GPR158: variants seen among roughly 807,000 people sequenced by gnomAD.
GPR158 encodes G protein-coupled receptor 158.
GPR158 carries 30 observed loss-of-function variants against 78.2 expected under a neutral mutation model. That is an observed-to-expected ratio of 0.38 (90% CI 0.29 to 0.52). The LOEUF (loss-of-function observed/expected upper bound fraction) is 0.52. Among genes scored for constraint, GPR158 ranks in the 20% least tolerant of loss-of-function variants. GPR158 has a pLI of 0.83. For missense variants in GPR158, 1,463 were observed against 1,523.5 expected (o/e 0.96, Z 0.66); for synonymous variants, 581 against 591.1 (o/e 0.98, Z 0.25).
At chr10:25,544,411 A>C (rs1355411758) in intron 5 of GPR158, among the ~76,000 whole-genome samples, 1 of 152,134 alleles carries the variant, frequency 6.6e-6, no homozygotes, top group Non-Finnish European at 1.5e-5. Flanking sequence ...AGTTAATCCC[A>C]TTACAACTCA....
intron 5 of GPR158, among the ~76,000 whole-genome samples, chr10:25,494,673 AT>A (rs936058161): frequency 4.0e-5 from 6 of 150,884 alleles, no homozygotes; most frequent in South Asian, 2.1e-4. Context: ...CCTGGACTTT[AT>A]TTTTTTTTAA....
chr10:25,230,991 A>G (rs527560437), intron 2 of GPR158, among the ~76,000 whole-genome samples: 12 of 152,318 alleles, frequency 7.9e-5, no homozygotes, highest in East Asian at 7.7e-4. Flanking sequence ...TATACCTAGT[A>G]TACTCTAAAG....
intron 2 of GPR158, among the ~76,000 whole-genome samples, chr10:25,296,475 CT>C (rs1854515949): frequency 6.9e-6 from 1 of 144,024 alleles, no homozygotes; most frequent in Admixed American, 6.7e-5. Flanking sequence ...ATCTGTCTGT[CT>C]TTCTATCTAT....
chr10:25,523,703 C>T (rs1026415223), intron 5 of GPR158, among the ~76,000 whole-genome samples: 2 of 152,070 alleles, frequency 1.3e-5, no homozygotes, highest in Non-Finnish European at 2.9e-5. Flanking sequence ...AACAAGGAAA[C>T]AGTATAAACC....
At chr10:25,471,485 G>T (rs1835501357) in intron 5 of GPR158, among the ~76,000 whole-genome samples, 1 of 152,150 alleles carries the variant, frequency 6.6e-6, no homozygotes, top group African/African-American at 2.4e-5. Flanking sequence ...AGTAATATGG[G>T]ATTGCTGGGT....
chr10:25,421,979 T>G (rs1331113193), intron 4 of GPR158, among the ~76,000 whole-genome samples: 1 of 152,224 alleles, frequency 6.6e-6, no homozygotes, highest in African/African-American at 2.4e-5. Flanking sequence ...CCTTTCTAAC[T>G]GTAATTTCTT....
chr10:25,252,889 A>T (rs1290613749), intron 2 of GPR158, among the ~76,000 whole-genome samples: 2 of 152,170 alleles, frequency 1.3e-5, no homozygotes, highest in African/African-American at 4.8e-5. Flanking sequence ...AAGCCTGGGC[A>T]ATGGCGGGCG....
chr10:25,284,666 A>AT (rs1448337389), intron 2 of GPR158, among the ~76,000 whole-genome samples: 1 of 151,760 alleles, frequency 6.6e-6, no homozygotes, highest in East Asian at 1.9e-4. Context: ...CTTGCTATGC[A>AT]TTTTTTATTC....
chr10:25,487,317 A>C (rs1236130464), intron 5 of GPR158, among the ~76,000 whole-genome samples: 2 of 152,160 alleles, frequency 1.3e-5, no homozygotes, highest in African/African-American at 4.8e-5. Context: ...CTTTGGAGAA[A>C]TTTGCACTTC....
At chr10:25,253,022 C>G (rs750172277) in intron 2 of GPR158, among the ~76,000 whole-genome samples, 3 of 152,096 alleles carry the variant, frequency 2.0e-5, no homozygotes, top group Non-Finnish European at 4.4e-5. Flanking sequence ...CGTGGTGTGC[C>G]GTTTCTTAAG....
intron 2 of GPR158, among the ~76,000 whole-genome samples, chr10:25,322,890 A>C (rs554622156): frequency 2.2e-4 from 33 of 152,190 alleles, no homozygotes; most frequent in African/African-American, 7.5e-4. Flanking sequence ...TCTGTCACCC[A>C]GGCTAGAGTG....
intron 2 of GPR158, among the ~76,000 whole-genome samples, chr10:25,286,626 C>G (rs1236524452): frequency 1.3e-5 from 2 of 151,698 alleles, no homozygotes; most frequent in South Asian, 2.1e-4. Context: ...TTTTTGATGG[C>G]TCATAACTTT....
chr10:25,184,856 G>A lies in GPR158; in HGVS notation c.902+8534G>A, dbSNP rs556037798. Among the ~76,000 whole-genome samples, 91 of 151,948 alleles carry A rather than the reference G, an allele frequency of 6.0e-4. 5 individuals carry two copies. Among genetic ancestry groups the A allele is most frequent in the African/African-American group, 2.0e-3 (82 of 41,456 alleles). On this transcript the variant is annotated intron_variant, in intron 1 of 10. Transcript: ENST00000376351. ...GATAAGCATTTTTTCTTTTTTTCCC[G>A]TCAATTGCTTGGAATAAAATGAAGA...
chr10:25,537,667 C>T (rs1300757104), intron 5 of GPR158, among the ~76,000 whole-genome samples: 4 of 152,090 alleles, frequency 2.6e-5, no homozygotes, highest in African/African-American at 4.8e-5. Flanking sequence ...TTTGTGTCCC[C>T]GCCCAAATCT....
At chr10:25,243,149 C>T (rs1273728334) in intron 2 of GPR158, among the ~76,000 whole-genome samples, 1 of 152,246 alleles carries the variant, frequency 6.6e-6, no homozygotes, top group Non-Finnish European at 1.5e-5. Context: ...TCTCCCCCTC[C>T]TTACAAGCTA....
intron 2 of GPR158, among the ~76,000 whole-genome samples, chr10:25,386,065 T>A (rs1476758231): frequency 8.5e-5 from 13 of 152,210 alleles, no homozygotes; most frequent in Non-Finnish European, 2.9e-5. Flanking sequence ...TTTTCCCATT[T>A]TTCTTCCAGA....
chr10:25,388,182 A>G (rs769940442), intron 2 of GPR158, among the ~76,000 whole-genome samples: 1 of 152,166 alleles, frequency 6.6e-6, no homozygotes, highest in Non-Finnish European at 1.5e-5. Flanking sequence ...CAATATTGTA[A>G]GCAGCTTCCT....
intron 5 of GPR158, among the ~76,000 whole-genome samples, chr10:25,495,121 C>T (rs1309675105): frequency 6.7e-6 from 1 of 150,050 alleles, no homozygotes; most frequent in Non-Finnish European, 1.5e-5. Context: ...AGTTATCTCA[C>T]CATTTAGAGA....
At chr10:25,192,707 A>G (rs1255756452) in intron 1 of GPR158, among the ~76,000 whole-genome samples, 1 of 152,110 alleles carries the variant, frequency 6.6e-6, no homozygotes, top group African/African-American at 2.4e-5. Flanking sequence ...TGATGGTTCT[A>G]CCTACAATTA....
Sources: gnomAD v4.1 joint callset for allele counts (sites outside exome capture counted in the v4.1 genomes callset) on GRCh38, gnomAD v4.1.1 for gene constraint, MANE v1.5 for transcripts, NCBI Gene and HGNC (gene_info 2026-07-23, HGNC 2026-07-21) for gene names.